Variants in TPRG1 observed in about 807,000 individuals in gnomAD.
TPRG1 encodes the protein tumor protein p63 regulated 1.
TPRG1 carries 29 observed loss-of-function variants against 29.3 expected under a neutral mutation model. The observed-to-expected ratio is 0.99, with a 90% CI of 0.74 to 1.35. The LOEUF is 1.35. Ranked by LOEUF, TPRG1 falls within the 40% of genes most tolerant of loss-of-function variation. The pLI is 0.00. For synonymous variants in TPRG1, 130 were observed against 116.8 expected, an observed-to-expected ratio of 1.11 and a Z score of -0.73; for missense variants, 327 against 335.0, an observed-to-expected ratio of 0.98 and a Z score of 0.19.
chr3:189,089,348 T>C (rs1424277128), intron 4 of TPRG1, among the ~76,000 whole-genome samples: 1 of 152,212 alleles, frequency 6.6e-6, no homozygotes, highest in African/African-American at 2.4e-5. Flanking sequence ...TTTTGTATCT[T>C]TACTAAAACT....
At chr3:189,124,796 G>T (rs902687591) in intron 1 of TPRG1, among the ~76,000 whole-genome samples, 1 of 152,072 alleles carries the variant, frequency 6.6e-6, no homozygotes, top group African/African-American at 2.4e-5. Context: ...TTCAATTTGG[G>T]AAGGTCCACT....
intron 1 of TPRG1, among the ~76,000 whole-genome samples, chr3:189,100,895 A>T (rs1160666297): frequency 6.6e-6 from 1 of 152,186 alleles, no homozygotes; most frequent in Non-Finnish European, 1.5e-5. Context: ...CATCCAGAAA[A>T]ATATTAGCTT....
intron 4 of TPRG1, among the ~76,000 whole-genome samples, chr3:189,093,215 A>G (rs1202961737): frequency 2.0e-5 from 3 of 152,190 alleles, no homozygotes; most frequent in Non-Finnish European, 4.4e-5. Flanking sequence ...GACAATATAA[A>G]AGATGAAGGA....
At chr3:188,997,699 C>A (rs1019510332) in intron 1 of TPRG1, among the ~76,000 whole-genome samples, 2 of 152,156 alleles carry the variant, frequency 1.3e-5, no homozygotes, top group African/African-American at 2.4e-5. Context: ...TCTCAGGTTC[C>A]TGAAACAAAG....
rs544199549 is a variant in TPRG1, at chr3:189,287,467, G to A, written c.480-22919G>A. On this transcript the variant is annotated intron_variant, in intron 4 of 5. Coordinates refer to ENST00000345063, the MANE Select transcript of TPRG1 (RefSeq NM_198485.4). ...GGCTGGAGTGCAGTGGCACGATCTC[G>A]GCTCACTGCAAGCTCCGCCTCCCAG... Among the ~76,000 whole-genome samples the A allele has an allele frequency of 1.3e-3, 200 of 150,320 alleles. 1 individual carries two copies. The highest frequency in any genetic ancestry group is 2.3e-3 in the Non-Finnish European group (155 of 67,718).
chr3:189,024,159 A>C (rs1374665048), intron 4 of TPRG1, among the ~76,000 whole-genome samples: 1 of 152,206 alleles, frequency 6.6e-6, no homozygotes, highest in East Asian at 1.9e-4. Context: ...TCCCAGGGAG[A>C]AATTAGAACT....
chr3:189,207,730 A>C, intron 2 of TPRG1, 136 bp downstream of exon 2: 4 of 787,704 alleles, frequency 5.1e-6, no homozygotes, highest in Non-Finnish European at 8.1e-6. Flanking sequence ...TGAAGTAGCT[A>C]TCCTTATCCC....
Position 189,163,775 on chromosome 3 carries a change from C to T in TPRG1, c.-10+12903C>T, listed in dbSNP as rs537043090. Among the ~76,000 whole-genome samples, 3 of 152,220 alleles carry T rather than the reference C, an allele frequency of 2.0e-5. No homozygotes were observed. The East Asian group carries it at 5.8e-4, about 29-fold the overall frequency. On this transcript the variant is annotated intron_variant, in intron 5 of 6. Coordinates refer to the TPRG1 transcript ENST00000412373. ...TTTACAGGTACCTCCAATATATTCC[C>T]GAATAGCAGTGGAGTTGCCGGGGTT...
intron 4 of TPRG1, among the ~76,000 whole-genome samples, chr3:189,307,820 C>T (rs1396504739): frequency 6.6e-6 from 1 of 152,182 alleles, no homozygotes; most frequent in East Asian, 1.9e-4. Context: ...AGTTTATAAA[C>T]CTTATCTGCA....
At chr3:189,313,751 G>A (rs1236078570) in intron 5 of TPRG1, among the ~76,000 whole-genome samples, 3 of 152,148 alleles carry the variant, frequency 2.0e-5, no homozygotes, top group Non-Finnish European at 4.4e-5. Flanking sequence ...CAAGGTTCTT[G>A]CCTTTGTGGA....
chr3:189,217,108 C>G (rs1451903719), intron 3 of TPRG1, among the ~76,000 whole-genome samples: 1 of 151,960 alleles, frequency 6.6e-6, no homozygotes, highest in Non-Finnish European at 1.5e-5. Flanking sequence ...TATTTTTATT[C>G]AGTGATTATA....
At chr3:189,275,022 G>A (rs1715884458) in intron 4 of TPRG1, among the ~76,000 whole-genome samples, 1 of 149,978 alleles carries the variant, frequency 6.7e-6, no homozygotes, top group Non-Finnish European at 1.5e-5. Flanking sequence ...ACAAAACCAT[G>A]CATTCATCAA....
At chr3:189,243,563 T>C (rs1310401767) in intron 4 of TPRG1, among the ~76,000 whole-genome samples, 1 of 152,058 alleles carries the variant, frequency 6.6e-6, no homozygotes, top group African/African-American at 2.4e-5. Flanking sequence ...TTTCCTACCA[T>C]ATGGCCAGTC....
At chr3:189,204,947 T>TCACACACACACACACACACA (rs35018569) in intron 1 of TPRG1, among the ~76,000 whole-genome samples, 11 of 147,176 alleles carry the variant, frequency 7.5e-5, no homozygotes, top group East Asian at 2.0e-4. Flanking sequence ...TCTCTCTCTC[T>TCACACACACACACACACACA]CACACACACA....
intron 4 of TPRG1, among the ~76,000 whole-genome samples, chr3:189,241,651 C>T (rs1383519723): frequency 6.6e-6 from 1 of 152,106 alleles, no homozygotes; most frequent in Non-Finnish European, 1.5e-5. Context: ...TGGACTCTAT[C>T]TCCCAGAATT....
chr3:189,139,700 C>T (rs1232861475), intron 3 of TPRG1, among the ~76,000 whole-genome samples: 2 of 146,276 alleles, frequency 1.4e-5, no homozygotes, highest in Admixed American at 6.9e-5. Flanking sequence ...AAATGTTAGT[C>T]GTACTCCCCC....
chr3:189,086,353 ATT>A (rs578137615), intron 4 of TPRG1, among the ~76,000 whole-genome samples: 19 of 142,238 alleles, frequency 1.3e-4, no homozygotes, highest in East Asian at 2.1e-4. Context: ...ACTGATTCAA[ATT>A]TTTTTTTTTT....
intron 3 of TPRG1, among the ~76,000 whole-genome samples, chr3:189,017,411 G>T (rs1560395989): frequency 1.3e-5 from 2 of 151,968 alleles, no homozygotes; most frequent in Non-Finnish European, 2.9e-5. Context: ...CCCAGAGTGT[G>T]ATGTTCCCCT....
chr3:189,245,023 C>T (rs576807566), intron 4 of TPRG1, among the ~76,000 whole-genome samples: 22 of 152,224 alleles, frequency 1.4e-4, no homozygotes, highest in African/African-American at 4.6e-4. Flanking sequence ...GGAGTTCAAG[C>T]GATTCTCCTG....
Sources: gnomAD v4.1 joint callset for allele counts (sites outside exome capture counted in the v4.1 genomes callset) on GRCh38, gnomAD v4.1.1 for gene constraint, MANE v1.5 for transcripts, NCBI Gene and HGNC (gene_info 2026-07-23, HGNC 2026-07-21) for gene names.